The following NPEPPS variants were observed in gnomAD, a reference collection of about 807,000 sequenced individuals.
NPEPPS encodes aminopeptidase puromycin sensitive, also known as puromycin-sensitive aminopeptidase.
A neutral mutation model predicts 115.5 loss-of-function variants in NPEPPS; 14 were observed. The observed-to-expected ratio is 0.12, with a 90% CI of 0.08 to 0.19. NPEPPS has a LOEUF of 0.19. Among genes scored for constraint, NPEPPS ranks in the 10% least tolerant of loss-of-function variants. The pLI is 1.00. For synonymous variants in NPEPPS, 285 were observed against 390.6 expected, an observed-to-expected ratio of 0.73 and a Z score of 3.19; for missense variants, 523 against 1,110.8, an observed-to-expected ratio of 0.47 and a Z score of 7.52.
intron 22 of NPEPPS, among the ~76,000 whole-genome samples, chr17:47,621,180 C>CAAAA (rs5820662): frequency 1.2e-5 from 1 of 84,752 alleles, no homozygotes; most frequent in Non-Finnish European, 2.6e-5. Context: ...GACCCTGTCT[C>CAAAA]AAAAAAAAAA....
chr17:47,597,799 A>G (rs979338521), intron 13 of NPEPPS, among the ~76,000 whole-genome samples: 1 of 152,246 alleles, frequency 6.6e-6, no homozygotes, highest in African/African-American at 2.4e-5. Flanking sequence ...CCAAATTTAC[A>G]TGGAACATTT....
intron 4 of NPEPPS, 196 bp downstream of exon 4, chr17:47,579,707 T>C (rs972107332): frequency 2.1e-6 from 1 of 476,540 alleles, no homozygotes; most frequent in African/African-American, 2.0e-5. Context: ...GGTTGGGGAA[T>C]GATTATATAC....
chr17:47,619,070 A>C lies in NPEPPS; in HGVS notation c.2465A>C (p.His822Pro), dbSNP rs770523437. The C allele has an allele frequency of 8.1e-6, 13 of 1,613,980 alleles. No individual in the cohort carries two copies. The highest frequency in any genetic ancestry group is 1.1e-5 in the Non-Finnish European group (13 of 1,179,854). The change falls in exon 21 of 23, where the codon CAT becomes CCT. Residue 822 changes from histidine to proline, a missense_variant. His to Pro is a moderately conservative substitution (Grantham distance 77). Transcript: ENST00000322157. ...GGTGGAGTAGCTGGAGGCAGCAAGC[A>C]TGGTAGGAAAGCTGCTTGGAAATTC... Reference protein sequence around the residue: ...VIGGVAGGSKHGRKAAWKFIK... With the variant: ...VIGGVAGGSKPGRKAAWKFIK...
At chr17:47,595,079 TGCC>T (rs1912779244) in intron 12 of NPEPPS, among the ~76,000 whole-genome samples, 1 of 152,060 alleles carries the variant, frequency 6.6e-6, no homozygotes, top group Non-Finnish European at 1.5e-5. Flanking sequence ...TACAGGTGTG[TGCC>T]ACCATGCCCA....
chr17:47,565,835 T>C (rs1037260725), intron 2 of NPEPPS, among the ~76,000 whole-genome samples: 5 of 148,738 alleles, frequency 3.4e-5, no homozygotes, highest in African/African-American at 1.2e-4. Context: ...AAAAAAAAAG[T>C]GATTTGAGCA....
At chr17:47,551,966 C>CTTTTTTTT (rs1294867980) in intron 2 of NPEPPS, among the ~76,000 whole-genome samples, 4 of 100,892 alleles carry the variant, frequency 4.0e-5, no homozygotes, top group Non-Finnish European at 6.2e-5. Context: ...GGATTTCTTT[C>CTTTTTTTT]TTTTTTTTTT....
intron 2 of NPEPPS, among the ~76,000 whole-genome samples, chr17:47,565,523 AAAAAG>A (rs1233638316): frequency 4.0e-5 from 6 of 151,124 alleles, no homozygotes; most frequent in Non-Finnish European, 1.5e-5. Flanking sequence ...AAAAAAAAAA[AAAAAG>A]GTGATTCGAG....
chr17:47,603,786 T>G, intron 15 of NPEPPS, 129 bp from the exon 16 acceptor site: 1 of 726,202 alleles, frequency 1.4e-6, no homozygotes. Flanking sequence ...AATCCATTAG[T>G]TGGCATAGAT....
intron 1 of NPEPPS, among the ~76,000 whole-genome samples, chr17:47,524,805 ATT>A (rs58644203): frequency 8.7e-5 from 12 of 138,660 alleles, no homozygotes; most frequent in Admixed American, 7.3e-5. Flanking sequence ...TGCCCGGCCA[ATT>A]TTTTTTTTTT....
chr17:47,546,918 T>C (rs1011013620), intron 2 of NPEPPS, among the ~76,000 whole-genome samples: 5 of 152,216 alleles, frequency 3.3e-5, no homozygotes, highest in African/African-American at 1.2e-4. Context: ...ATAAAATGAA[T>C]ATAATATGCA....
At chr17:47,541,212 T>C (rs1002820687) in intron 1 of NPEPPS, among the ~76,000 whole-genome samples, 1 of 152,138 alleles carries the variant, frequency 6.6e-6, no homozygotes, top group Non-Finnish European at 1.5e-5. Context: ...TGAAATTCAC[T>C]GTAGATGTTG....
chr17:47,616,614 G>A (rs962956436), intron 19 of NPEPPS, among the ~76,000 whole-genome samples: 1 of 151,680 alleles, frequency 6.6e-6, no homozygotes, highest in Non-Finnish European at 1.5e-5. Context: ...AACCTGGGAG[G>A]TGGAGGTTGT....
At chr17:47,619,267 C>A in intron 21 of NPEPPS, 103 bp downstream of exon 21, 1 of 1,215,050 alleles carries the variant, frequency 8.2e-7, no homozygotes, top group Non-Finnish European at 1.2e-6. Flanking sequence ...TTAAATGTTT[C>A]CTGTGGCCAG....
At position 47,524,316 on chromosome 17, in the gene NPEPPS, A is replaced by AT. The variant is rs1465613486; in HGVS notation, c.77+1253_77+1254insT. Among the ~76,000 whole-genome samples the AT allele has an allele frequency of 3.5e-4, 53 of 151,280 alleles. 1 individual carries two copies. Among genetic ancestry groups the AT allele is most frequent in the Admixed American group, 2.0e-3 (31 of 15,164 alleles). ...AAGAGCAAAACTTTGTCTCAAAAAA[A>AT]AAAATAAACCAAACCAAAACAAACA... On this transcript the variant is annotated intron_variant, in intron 1 of 5. Transcript: ENST00000525007.
At chr17:47,524,233 C>CG (rs1257057851) in intron 1 of NPEPPS, among the ~76,000 whole-genome samples, 1 of 150,986 alleles carries the variant, frequency 6.6e-6, no homozygotes, top group Non-Finnish European at 1.5e-5. Context: ...CTTGAACCCC[C>CG]GGGAGGCGGA....
At chr17:47,539,523 T>G (rs1908597263) in intron 1 of NPEPPS, among the ~76,000 whole-genome samples, 1 of 110,048 alleles carries the variant, frequency 9.1e-6, no homozygotes, top group Non-Finnish European at 2.0e-5. Context: ...TGTGCATGCT[T>G]TTTTTGGGGG....
intron 2 of NPEPPS, among the ~76,000 whole-genome samples, chr17:47,550,523 A>G (rs917500556): frequency 5.3e-5 from 8 of 149,846 alleles, no homozygotes; most frequent in Non-Finnish European, 1.2e-4. Flanking sequence ...TCTCTTTGCA[A>G]TAATGAAAGA....
upstream of NPEPPS, among the ~76,000 whole-genome samples, chr17:47,526,670 G>C (rs1179603001): frequency 1.3e-5 from 2 of 151,994 alleles, no homozygotes; most frequent in African/African-American, 4.8e-5. Flanking sequence ...TACAACTGGA[G>C]AGTTAGGGCC....
At chr17:47,548,475 G>A (rs1367392374) in intron 2 of NPEPPS, 2 of 151,948 alleles carry the variant, frequency 1.3e-5, no homozygotes, top group African/African-American at 4.8e-5. Context: ...TATGTAGATA[G>A]GTAGATCTAG....
Sources: gnomAD v4.1 joint callset for allele counts (sites outside exome capture counted in the v4.1 genomes callset) on GRCh38, gnomAD v4.1.1 for gene constraint, MANE v1.5 for transcripts, NCBI Gene and HGNC (gene_info 2026-07-23, HGNC 2026-07-21) for gene names.